The following PDE7A variants were observed in gnomAD, a reference collection of about 807,000 sequenced individuals.
PDE7A encodes the protein high affinity 3',5'-cyclic-AMP phosphodiesterase 7A.
PDE7A carries 39 observed loss-of-function variants against 64.3 expected under a neutral mutation model. The observed-to-expected ratio is 0.61, with a 90% confidence interval of 0.47 to 0.79. The LOEUF is 0.79. PDE7A is among the 30% of genes least tolerant of loss of function. The probability of loss-of-function intolerance (pLI) is 0.00; values close to 1 mark genes in which losing one functional copy is unlikely to be tolerated. For synonymous variants in PDE7A, 203 were observed against 206.8 expected, an observed-to-expected ratio of 0.98 and a Z score of 0.16; for missense variants, 470 against 582.8, an observed-to-expected ratio of 0.81 and a Z score of 1.99.
intron 4 of PDE7A, among the ~76,000 whole-genome samples, chr8:65,746,786 C>CATAAACATTTA (rs1360259281): frequency 1.3e-5 from 2 of 152,090 alleles, no homozygotes; most frequent in African/African-American, 4.8e-5. Flanking sequence ...ACATTTAAAG[C>CATAAACATTTA]AGGCATGAAC....
intron 12 of PDE7A, chr8:65,719,822 T>G (rs1384387238): frequency 3.2e-6 from 1 of 312,302 alleles, no homozygotes; most frequent in African/African-American, 2.1e-5. Flanking sequence ...CTGAGGATAC[T>G]CGGGCATAGC....
chr8:65,732,233 A>T (rs780165300), intron 7 of PDE7A, among the ~76,000 whole-genome samples: 1 of 152,156 alleles, frequency 6.6e-6, no homozygotes, highest in Non-Finnish European at 1.5e-5. Flanking sequence ...TCCTGACCTC[A>T]GGTGATTCAC....
At chr8:65,727,520 C>T in intron 7 of PDE7A, 1 of 465,516 alleles carries the variant, frequency 2.1e-6, no homozygotes, top group East Asian at 3.5e-5. Context: ...TGGCCCTGCC[C>T]ATGTGGAGTT....
At chr8:65,769,116 C>A (rs1808945920) in intron 3 of PDE7A, among the ~76,000 whole-genome samples, 1 of 151,778 alleles carries the variant, frequency 6.6e-6, no homozygotes, top group Non-Finnish European at 1.5e-5. Context: ...GGCGTGATGG[C>A]AGGCGCCTGT....
chr8:65,784,791 A>G (rs1288682273), intron 1 of PDE7A, among the ~76,000 whole-genome samples: 2 of 152,120 alleles, frequency 1.3e-5, no homozygotes, highest in African/African-American at 4.8e-5. Context: ...CTGTAGAAAA[A>G]CAGGTAGGAC....
intron 3 of PDE7A, among the ~76,000 whole-genome samples, chr8:65,760,415 T>C (rs892102825): frequency 2.2e-4 from 33 of 152,204 alleles, no homozygotes; most frequent in African/African-American, 7.5e-4. Flanking sequence ...AAGATCCTTA[T>C]AACTAAATTT....
chr8:65,749,274 C>T (rs1408722811), intron 3 of PDE7A, among the ~76,000 whole-genome samples: 1 of 152,156 alleles, frequency 6.6e-6, no homozygotes, highest in African/African-American at 2.4e-5. Flanking sequence ...TAATGCAAAG[C>T]ATATAGTAAG....
At position 65,718,744 on chromosome 8, in the gene PDE7A, C is replaced by G. The variant is rs553482513; in HGVS notation, c.*546G>C. The G allele has an allele frequency of 6.5e-6, 1 of 153,974 alleles. No individual in the cohort carries two copies. Among genetic ancestry groups the G allele is most frequent in the Non-Finnish European group, 1.4e-5 (1 of 69,112 alleles). 9.5% of individuals were successfully genotyped at this position (153,974 alleles called of 1,614,324 possible). ...AAAGAGCTGCAGTCTAAAGTTTGATCTTTAAATTTGTTTGAGTGGTTCCTT... is the reference window on the plus strand; with the variant it reads ...AAAGAGCTGCAGTCTAAAGTTTGATGTTTAAATTTGTTTGAGTGGTTCCTT... On this transcript the variant is annotated 3_prime_UTR_variant, in exon 13 of 13. Coordinates refer to ENST00000401827, the MANE Select transcript of PDE7A (RefSeq NM_001242318.3).
chr8:65,836,724 A>T (rs966737673), intron 1 of PDE7A, among the ~76,000 whole-genome samples: 1 of 152,218 alleles, frequency 6.6e-6, no homozygotes, highest in Non-Finnish European at 1.5e-5. Flanking sequence ...GCTGCTAGCC[A>T]TATGTAGCTA....
chr8:65,739,875 A>G (rs1156587936), intron 5 of PDE7A, among the ~76,000 whole-genome samples: 1 of 152,208 alleles, frequency 6.6e-6, no homozygotes, highest in African/African-American at 2.4e-5. Context: ...AGACACCAAA[A>G]TAATGAGAAT....
intron 1 of PDE7A, among the ~76,000 whole-genome samples, chr8:65,805,309 A>C (rs545990145): frequency 6.6e-6 from 1 of 152,372 alleles, no homozygotes; most frequent in East Asian, 1.9e-4. Context: ...TGCTTCAAGT[A>C]CATTTGATTT....
chr8:65,823,136 A>C (rs879624397), intron 1 of PDE7A, among the ~76,000 whole-genome samples: 4 of 152,198 alleles, frequency 2.6e-5, no homozygotes, highest in African/African-American at 7.2e-5. Context: ...AAGACATTTA[A>C]AAATACCACT....
intron 1 of PDE7A, among the ~76,000 whole-genome samples, chr8:65,819,066 T>C (rs1375675547): frequency 6.6e-6 from 1 of 152,208 alleles, no homozygotes; most frequent in African/African-American, 2.4e-5. Flanking sequence ...AATTGGCCTT[T>C]AGTCAACCTC....
intron 3 of PDE7A, among the ~76,000 whole-genome samples, chr8:65,778,642 C>T (rs951107096): frequency 2.6e-5 from 4 of 152,156 alleles, no homozygotes; most frequent in South Asian, 2.1e-4. Context: ...AATCCTCCTC[C>T]GAGGCCCCGA....
chr8:65,801,365 A>G (rs1332332927), intron 1 of PDE7A, among the ~76,000 whole-genome samples: 2 of 152,226 alleles, frequency 1.3e-5, no homozygotes, highest in East Asian at 3.8e-4. Context: ...AGTTAAGAAA[A>G]TAATTATTCT....
At chr8:65,789,245 C>T (rs1048235136) in intron 1 of PDE7A, among the ~76,000 whole-genome samples, 3 of 152,184 alleles carry the variant, frequency 2.0e-5, no homozygotes, top group African/African-American at 7.2e-5. Context: ...AACAGTCTAA[C>T]AAAATGTAGG....
intron 3 of PDE7A, among the ~76,000 whole-genome samples, chr8:65,754,260 T>C (rs1466689632): frequency 1.3e-5 from 2 of 152,042 alleles, no homozygotes; most frequent in African/African-American, 2.4e-5. Flanking sequence ...CGCCCCAAGA[T>C]TGAGGGTGCG....
At chr8:65,798,197 TATATA>T (rs1171847926) in intron 1 of PDE7A, among the ~76,000 whole-genome samples, 11 of 32,884 alleles carry the variant, frequency 3.3e-4, no homozygotes, top group Non-Finnish European at 2.9e-4. Flanking sequence ...TATATATATA[TATATA>T]TATATTTTTT....
intron 5 of PDE7A, among the ~76,000 whole-genome samples, chr8:65,742,521 A>G (rs1388620559): frequency 6.6e-6 from 1 of 152,206 alleles, no homozygotes; most frequent in African/African-American, 2.4e-5. Flanking sequence ...TCTTCCCCCA[A>G]TATCAACTGG....
Sources: allele counts gnomAD v4.1 joint callset (sites outside exome capture counted in the v4.1 genomes callset), GRCh38; gene constraint gnomAD v4.1.1; transcripts MANE v1.5; gene names NCBI Gene and HGNC (gene_info 2026-07-23, HGNC 2026-07-21).